The following GALK2 variants were observed in gnomAD, a reference collection of about 807,000 sequenced individuals.
GALK2 encodes N-acetylgalactosamine kinase.
Under a neutral mutation model 52.4 loss-of-function variants are expected in GALK2, and 36 were observed. That is an observed-to-expected ratio of 0.69 (90% CI 0.53 to 0.91). The LOEUF is 0.91. GALK2 is among the 40% of genes least tolerant of loss of function. The probability of loss-of-function intolerance (pLI) is 0.00; values close to 1 mark genes in which losing one functional copy is unlikely to be tolerated. For synonymous variants in GALK2, 176 were observed against 199.1 expected (o/e 0.88, Z 0.98); for missense variants, 579 against 559.1 (o/e 1.04, Z -0.36).
intron 1 of GALK2, among the ~76,000 whole-genome samples, chr15:49,191,227 A>G (rs536516512): frequency 6.6e-5 from 10 of 152,280 alleles, no homozygotes; most frequent in African/African-American, 2.4e-4. Context: ...TGGTTGGTCA[A>G]CATCAGGCTA....
At chr15:49,294,808 G>A (rs2034310859) in intron 8 of GALK2, among the ~76,000 whole-genome samples, 1 of 152,140 alleles carries the variant, frequency 6.6e-6, no homozygotes, top group African/African-American at 2.4e-5. Context: ...TCCTGTAGAT[G>A]GTGGTTCAAT....
intron 7 of GALK2, among the ~76,000 whole-genome samples, chr15:49,287,933 C>T (rs1356585336): frequency 1.5e-5 from 2 of 135,058 alleles, no homozygotes; most frequent in Non-Finnish European, 3.2e-5. Flanking sequence ...ACTTCTTTCT[C>T]ATCTTGTTTC....
At chr15:49,187,924 T>C (rs2086474573) in intron 1 of GALK2, among the ~76,000 whole-genome samples, 1 of 152,094 alleles carries the variant, frequency 6.6e-6, no homozygotes, top group Admixed American at 6.5e-5. Context: ...TTGGGTGGTC[T>C]GCATCACAGT....
chr15:49,343,792 A>G (rs998685181), intron 3 of GALK2: 1 of 152,224 alleles, frequency 6.6e-6, no homozygotes, highest in African/African-American at 2.4e-5. Context: ...GTCTTCAGGC[A>G]TCACATGATA....
intron 2 of GALK2, among the ~76,000 whole-genome samples, chr15:49,201,601 GA>G (rs2087781896): frequency 6.6e-6 from 1 of 152,154 alleles, no homozygotes; most frequent in African/African-American, 2.4e-5. Context: ...GGAGCACAGG[GA>G]AACCTTAAAA....
In GALK2 at chr15:49,283,554, T is replaced by C. The variant is rs535704593; in HGVS notation, c.604-12T>C. 12 of 1,596,634 alleles carry C rather than the reference T, an allele frequency of 7.5e-6. No homozygotes were observed. The South Asian group carries it at 1.2e-4, about 17-fold the overall frequency. On this transcript the variant is annotated splice_polypyrimidine_tract_variant and intron_variant, in intron 6 of 9. Coordinates refer to ENST00000560031, the MANE Select transcript of GALK2 (RefSeq NM_002044.4). ...ATAAATTATATTTCTCCTTTCATTT[T>C]TCTTCTAACAGGCCAAGTTGATAGA...
intron 5 of GALK2, among the ~76,000 whole-genome samples, chr15:49,245,936 G>C (rs2091326642): frequency 6.6e-6 from 1 of 152,062 alleles, no homozygotes; most frequent in Non-Finnish European, 1.5e-5. Context: ...AGTGATACCG[G>C]TATGTCTTCT....
rs778452362 is a variant in GALK2, at chr15:49,295,329, CTA to C, written c.967+2794_967+2795del. Among the ~76,000 whole-genome samples, 820 of 141,142 alleles carry C rather than the reference CTA, an allele frequency of 5.8e-3. 12 individuals are homozygous for C. Among genetic ancestry groups the C allele is most frequent in the African/African-American group, 0.023 (780 of 33,838 alleles). The allele number at this position is 141,142 out of a possible 152,430, so 92.6% of individuals were successfully genotyped here. A position where few individuals can be genotyped will look rare whatever the true frequency, so the allele number is the denominator to read the frequency against. ...CTCATTTCTCTCTCTCTCTCTCTCTCTATCTATATATATATATAGATAGATAG... is the reference window on the plus strand; with the variant it reads ...CTCATTTCTCTCTCTCTCTCTCTCTCTCTATATATATATATAGATAGATAG... On this transcript the variant is annotated intron_variant, in intron 8 of 9. Transcript: ENST00000560031.
At chr15:49,192,485 G>GTATATATATGTATATATATATATATA (rs1555400548) in intron 1 of GALK2, among the ~76,000 whole-genome samples, 8 of 102,962 alleles carry the variant, frequency 7.8e-5, no homozygotes, top group Non-Finnish European at 1.3e-4. Flanking sequence ...ATATATATAT[G>GTATATATATGTATATATATATATATA]TATATATATA....
intron 5 of GALK2, among the ~76,000 whole-genome samples, chr15:49,264,052 A>G (rs1301681811): frequency 1.3e-5 from 2 of 151,664 alleles, no homozygotes; most frequent in Non-Finnish European, 2.9e-5. Flanking sequence ...TGTGTCTTGG[A>G]GTTGCTCTTC....
At position 49,328,240 on chromosome 15, in the gene GALK2, T is replaced by A; in HGVS notation, c.*81T>A. ...TTTCTGTGCCACAGTAAATTAATCT[T>A]CCTTCTGTTTTGTATTATGATGAAC... On this transcript the variant is annotated 3_prime_UTR_variant, in exon 10 of 10. Coordinates refer to ENST00000560031, the MANE Select transcript of GALK2 (RefSeq NM_002044.4). 1 of 1,500,308 alleles carries A rather than the reference T, an allele frequency of 6.7e-7. No individual in the cohort carries two copies. The highest frequency in any genetic ancestry group is 8.9e-7 in the Non-Finnish European group (1 of 1,123,616). The allele number at this position is 1,500,308 out of a possible 1,614,324, so 92.9% of individuals were successfully genotyped here.
intron 8 of GALK2, among the ~76,000 whole-genome samples, chr15:49,297,718 C>T (rs570002634): frequency 2.0e-5 from 3 of 152,154 alleles, no homozygotes; most frequent in Non-Finnish European, 2.9e-5. Context: ...TTGTTGACTT[C>T]GTCAAAGATC....
chr15:49,345,875 A>G (rs190413264), intron 3 of GALK2, among the ~76,000 whole-genome samples: 1 of 152,308 alleles, frequency 6.6e-6, no homozygotes, highest in Non-Finnish European at 1.5e-5. Context: ...TGAAGCTTCT[A>G]GAAGTGAAGT....
At chr15:49,332,832 C>T (rs2039040726), downstream of GALK2, among the ~76,000 whole-genome samples, 1 of 152,156 alleles carries the variant, frequency 6.6e-6, no homozygotes, top group South Asian at 2.1e-4. Flanking sequence ...GACTAGTGCA[C>T]CCCTGAAGGC....
At chr15:49,303,834 C>G (rs2035321229) in intron 8 of GALK2, among the ~76,000 whole-genome samples, 1 of 152,058 alleles carries the variant, frequency 6.6e-6, no homozygotes, top group Non-Finnish European at 1.5e-5. Flanking sequence ...GTGGCTGCCT[C>G]AAGGGGAAGG....
At chr15:49,263,590 A>T (rs200630476) in intron 5 of GALK2, among the ~76,000 whole-genome samples, 1 of 93,196 alleles carries the variant, frequency 1.1e-5, no homozygotes, top group East Asian at 2.4e-4. Flanking sequence ...ATATTGTTAT[A>T]TGTGAATTTG....
At chr15:49,273,670 T>A (rs919302862) in intron 5 of GALK2, among the ~76,000 whole-genome samples, 1 of 152,084 alleles carries the variant, frequency 6.6e-6, no homozygotes, top group Non-Finnish European at 1.5e-5. Context: ...CTTGGTGCCA[T>A]TTCATGGAGA....
chr15:49,186,941 T>C (rs553031746), intron 1 of GALK2, among the ~76,000 whole-genome samples: 1 of 152,318 alleles, frequency 6.6e-6, no homozygotes, highest in African/African-American at 2.4e-5. Context: ...TGGTGCCTCA[T>C]TTAGTTGATT....
intron 5 of GALK2, among the ~76,000 whole-genome samples, chr15:49,264,997 C>T (rs2092301010): frequency 6.6e-6 from 1 of 152,196 alleles, no homozygotes; most frequent in Non-Finnish European, 1.5e-5. Context: ...GGGGGTGCCT[C>T]CCAGTTAGGC....
Sources: gnomAD v4.1 joint callset for allele counts (sites outside exome capture counted in the v4.1 genomes callset) on GRCh38, gnomAD v4.1.1 for gene constraint, MANE v1.5 for transcripts, NCBI Gene and HGNC (gene_info 2026-07-23, HGNC 2026-07-21) for gene names.